POLR2B: variants seen among roughly 807,000 people sequenced by gnomAD.
The protein encoded by POLR2B is DNA-directed RNA polymerase II subunit RPB2.
POLR2B carries 57 observed loss-of-function variants against 144.6 expected under a neutral mutation model. The observed-to-expected ratio is 0.39, with a 90% CI of 0.32 to 0.49. The LOEUF is 0.49. Ranked by LOEUF, POLR2B falls within the 20% of genes least tolerant of loss-of-function variation. The pLI, the probability that POLR2B is intolerant of heterozygous loss-of-function variation, is 0.83. For missense variants in POLR2B, 595 were observed against 1,467.4 expected, an observed-to-expected ratio of 0.41 and a Z score of 9.71; for synonymous variants, 442 against 469.8, an observed-to-expected ratio of 0.94 and a Z score of 0.77.
At chr4:57,025,646 C>T in intron 23 of POLR2B, 109 bp downstream of exon 23, 1 of 665,164 alleles carries the variant, frequency 1.5e-6, no homozygotes, top group Non-Finnish European at 2.6e-6. Context: ...GCCTGTTACC[C>T]CCATTTCAAC....
intron 13 of POLR2B, among the ~76,000 whole-genome samples, chr4:57,013,121 G>A (rs1481290376): frequency 6.6e-6 from 1 of 152,066 alleles, no homozygotes; most frequent in Non-Finnish European, 1.5e-5. Context: ...GATTATAGAC[G>A]TGAGCCACTG....
chr4:56,996,608 A>G (rs1274045306), intron 6 of POLR2B, among the ~76,000 whole-genome samples: 1 of 151,808 alleles, frequency 6.6e-6, no homozygotes, highest in Non-Finnish European at 1.5e-5. Flanking sequence ...ATAATTATGC[A>G]TGTGTGGGAT....
intron 2 of POLR2B, 147 bp from the exon 3 acceptor site, chr4:56,990,601 A>T: frequency 1.6e-6 from 1 of 639,814 alleles, no homozygotes; most frequent in East Asian, 2.7e-5. Flanking sequence ...AAGATACCTC[A>T]TAGTGTCTTG....
At chr4:56,995,444 C>T in intron 6 of POLR2B, 35 bp downstream of exon 6, 1 of 1,495,516 alleles carries the variant, frequency 6.7e-7, no homozygotes, top group Non-Finnish European at 9.1e-7. Flanking sequence ...TGGGTTTATT[C>T]CTTTGTGCTT....
chr4:57,022,993 C>T (rs1278863567), intron 18 of POLR2B, among the ~76,000 whole-genome samples: 4 of 152,126 alleles, frequency 2.6e-5, no homozygotes, highest in Non-Finnish European at 5.9e-5. Flanking sequence ...AATTTTTCTC[C>T]TGTACCCACT....
intron 23 of POLR2B, among the ~76,000 whole-genome samples, chr4:57,027,634 A>T (rs1269046309): frequency 6.6e-6 from 1 of 152,178 alleles, no homozygotes; most frequent in African/African-American, 2.4e-5. Flanking sequence ...TTGATACTAC[A>T]CCAAAACGGT....
At chr4:56,979,254 C>T (rs905052899) in intron 1 of POLR2B, among the ~76,000 whole-genome samples, 5 of 152,140 alleles carry the variant, frequency 3.3e-5, no homozygotes, top group Non-Finnish European at 7.3e-5. Context: ...AGATCTGATC[C>T]TCGTTTCCTG....
chr4:57,021,652 G>GT (rs373878892), intron 17 of POLR2B, among the ~76,000 whole-genome samples: 12 of 142,600 alleles, frequency 8.4e-5, no homozygotes, highest in African/African-American at 2.5e-4. Flanking sequence ...CCATGCCAGA[G>GT]TTTTTTTTTG....
intron 6 of POLR2B, 61 bp downstream of exon 6, chr4:56,995,470 T>C (rs1003634551): frequency 6.5e-6 from 8 of 1,238,530 alleles, no homozygotes; most frequent in Non-Finnish European, 9.1e-6. Context: ...TAAAATTTAC[T>C]AGACTGCCTT....
Position 57,014,970 on chromosome 4 carries a change from C to T in POLR2B, c.1801-532C>T, listed in dbSNP as rs114497871. Among the ~76,000 whole-genome samples the T allele has an allele frequency of 6.0e-3, 918 of 152,178 alleles. 11 individuals are homozygous for T. The highest frequency in any genetic ancestry group is 0.021 in the African/African-American group (856 of 41,496). Reference sequence around the variant, plus strand: ...CTTACAACACATCTCAGTTCAGAATCGCCACGTTTCAAGTGCTCAGTCACA... The same window carrying T: ...CTTACAACACATCTCAGTTCAGAATTGCCACGTTTCAAGTGCTCAGTCACA... On this transcript the variant is annotated intron_variant, in intron 13 of 24. Transcript: ENST00000314595.
intron 2 of POLR2B, chr4:56,986,891 G>A (rs1186975621): frequency 6.6e-6 from 1 of 151,974 alleles, no homozygotes; most frequent in Non-Finnish European, 1.5e-5. Context: ...CCCACATTTT[G>A]CCAGTTGTCC....
chr4:57,016,076 A>C (rs565272068), intron 14 of POLR2B, among the ~76,000 whole-genome samples: 1 of 152,318 alleles, frequency 6.6e-6, no homozygotes, highest in African/African-American at 2.4e-5. Flanking sequence ...GATTTTTAAA[A>C]AGTATACAAT....
At chr4:57,007,433 A>G (rs1303807375) in intron 10 of POLR2B, among the ~76,000 whole-genome samples, 1 of 152,174 alleles carries the variant, frequency 6.6e-6, no homozygotes, top group African/African-American at 2.4e-5. Flanking sequence ...AAAAAAAAAA[A>G]CTTACTGGGG....
chr4:56,994,290 G>T, intron 3 of POLR2B, 114 bp from the exon 4 acceptor site: 1 of 616,926 alleles, frequency 1.6e-6, no homozygotes, highest in Non-Finnish European at 2.9e-6. Flanking sequence ...GATTAATTTT[G>T]CCAGTTTGTA....
Position 57,010,418 on chromosome 4 carries a change from C to T in POLR2B, c.1462C>T (p.Pro488Ser), listed in dbSNP as rs1456454023. 6.2e-7 allele frequency: 1 copy of T among 1,613,570 alleles called. No homozygotes were observed. The highest frequency in any genetic ancestry group is 8.5e-7 in the Non-Finnish European group (1 of 1,179,788). ...TTCTCACCTGCGTCGTTTAAATTCT[C>T]CTATTGGTAGAGACGGCAAGCTAGC... ...TLSHLRRLNS[P>S]IGRDGKLAKP... Residue 488 changes from proline (P) to serine (S), a missense_variant, in exon 11 of 25, where the codon CCT becomes TCT. Physicochemically the swap from Pro to Ser is moderately conservative, Grantham distance 74 (BLOSUM62 -1). This residue lies in a region of POLR2B where 251 missense variants were observed against 567.3 expected (regional missense o/e 0.44). Coordinates refer to ENST00000314595, the MANE Select transcript of POLR2B (RefSeq NM_000938.3).
At chr4:56,994,968 G>T in intron 5 of POLR2B, 102 bp downstream of exon 5, 1 of 784,662 alleles carries the variant, frequency 1.3e-6, no homozygotes, top group East Asian at 2.7e-5. Flanking sequence ...TTTCCTGCAG[G>T]ATAACCTGGC....
intron 10 of POLR2B, 190 bp from the exon 11 acceptor site, chr4:57,010,171 T>C: frequency 1.8e-6 from 1 of 557,352 alleles, no homozygotes; most frequent in East Asian, 2.9e-5. Flanking sequence ...TATGTTTGAA[T>C]ATATTTGCCA....
In POLR2B at chr4:57,031,090, GTATTT is replaced by G. The variant is rs1723906524; in HGVS notation, c.*108_*112del. Reference sequence around the variant, plus strand: ...AATATGTACTGTGTTGTGATAAAAAGTATTTTATTTGTTTAATGATATGCATGCTT... The same window carrying G: ...AATATGTACTGTGTTGTGATAAAAAGTATTTGTTTAATGATATGCATGCTT... On this transcript the variant is annotated 3_prime_UTR_variant, in exon 25 of 25. Coordinates refer to ENST00000314595, the MANE Select transcript of POLR2B (RefSeq NM_000938.3). 1.2e-6 allele frequency: 1 copy of G among 802,794 alleles called. No homozygotes were observed. Among genetic ancestry groups the G allele is most frequent in the South Asian group, 1.6e-5 (1 of 64,348 alleles). The allele number at this position is 802,794 out of a possible 1,614,324, so 49.7% of individuals were successfully genotyped here.
In POLR2B at chr4:56,978,900, C is replaced by G. The variant is rs1474127852; in HGVS notation, c.-86C>G. On this transcript the variant is annotated 5_prime_UTR_variant, in exon 1 of 25. Transcript: ENST00000314595. Reference sequence around the variant, plus strand: ...GGAACGTCGGAGACGGAAGTTACTTCGTCTTTAGCTCCTGGCGCTGCTGGC... The same window carrying G: ...GGAACGTCGGAGACGGAAGTTACTTGGTCTTTAGCTCCTGGCGCTGCTGGC... 3.1e-6 allele frequency: 4 copies of G among 1,296,130 alleles called. No homozygotes were observed. Among genetic ancestry groups the G allele is most frequent in the Admixed American group, 3.4e-5 (2 of 59,540 alleles). The allele number at this position is 1,296,130 out of a possible 1,614,324, so 80.3% of individuals were successfully genotyped here.
Sources: gnomAD v4.1 joint callset for allele counts (sites outside exome capture counted in the v4.1 genomes callset) on GRCh38, gnomAD v4.1.1 for gene constraint, gnomAD v4.1.1 regional missense constraint, MANE v1.5 for transcripts, NCBI Gene and HGNC (gene_info 2026-07-23, HGNC 2026-07-21) for gene names.